The following DAP3 variants were observed in gnomAD, a reference collection of about 807,000 sequenced individuals.
DAP3 encodes small ribosomal subunit protein mS29.
DAP3 carries 28 observed loss-of-function variants against 51.9 expected under a neutral mutation model. That is an observed-to-expected ratio of 0.54 (90% CI 0.40 to 0.74). The LOEUF (loss-of-function observed/expected upper bound fraction) is 0.74. Ranked by LOEUF, DAP3 falls within the 30% of genes least tolerant of loss-of-function variation. The pLI is 0.00. For missense variants in DAP3, 458 were observed against 483.5 expected (o/e 0.95, Z 0.49); for synonymous variants, 170 against 170.3 (o/e 1.00, Z 0.01).
At position 155,737,771 on chromosome 1, in the gene DAP3, CA is replaced by C. The variant is rs61306527; in HGVS notation, c.1112-373del. Among the ~76,000 whole-genome samples, 871 of 137,958 alleles carry C rather than the reference CA, an allele frequency of 6.3e-3. 4 individuals carry two copies. Among genetic ancestry groups the C allele is most frequent in the Middle Eastern group, 0.011 (3 of 266 alleles). 90.5% of individuals were successfully genotyped at this position (137,958 alleles called of 152,430 possible). On this transcript the variant is annotated intron_variant, in intron 12 of 12. Coordinates refer to ENST00000368336, the MANE Select transcript of DAP3 (RefSeq NM_004632.4). ...GAGACCCCATCTCTATTGAAAAAAGCAAAAAAAAAAAAATACTATTTAGAAT... is the reference window on the plus strand; with the variant it reads ...GAGACCCCATCTCTATTGAAAAAAGCAAAAAAAAAAAATACTATTTAGAAT...
chr1:155,724,815 C>A (rs1033000754), intron 4 of DAP3, among the ~76,000 whole-genome samples: 1 of 151,666 alleles, frequency 6.6e-6, no homozygotes, highest in African/African-American at 2.4e-5. Context: ...AATAGCCGGG[C>A]ATGGTGGTGG....
chr1:155,706,123 C>G (rs1239110250), intron 1 of DAP3, among the ~76,000 whole-genome samples: 1 of 152,172 alleles, frequency 6.6e-6, no homozygotes, highest in Non-Finnish European at 1.5e-5. Flanking sequence ...CCTCAGCCTC[C>G]TAAGTAGCTA....
chr1:155,702,634 A>C (rs1655455246), intron 1 of DAP3, among the ~76,000 whole-genome samples: 1 of 152,150 alleles, frequency 6.6e-6, no homozygotes, highest in Non-Finnish European at 1.5e-5. Flanking sequence ...TGTTGAAGAC[A>C]CTATTCTTTC....
At chr1:155,720,907 C>G (rs1053581249) in intron 3 of DAP3, among the ~76,000 whole-genome samples, 1 of 151,908 alleles carries the variant, frequency 6.6e-6, no homozygotes, top group East Asian at 1.9e-4. Flanking sequence ...CGTGGTGGCG[C>G]GTGCCTGTAG....
intron 1 of DAP3, among the ~76,000 whole-genome samples, chr1:155,704,736 T>C (rs1655730918): frequency 6.6e-6 from 1 of 152,006 alleles, no homozygotes; most frequent in African/African-American, 2.4e-5. Flanking sequence ...TCCCAATACT[T>C]TGGGGGGCTG....
At chr1:155,728,966 A>G (rs1658909638) in intron 7 of DAP3, 76 bp from the exon 8 acceptor site, 7 of 1,466,002 alleles carry the variant, frequency 4.8e-6, no homozygotes, top group Middle Eastern at 1.9e-4. Context: ...TTAGCCTCCA[A>G]CCTTTTCAAG....
At chr1:155,721,712 A>G (rs113290900) in intron 4 of DAP3, 94 bp downstream of exon 4, 2 of 1,205,350 alleles carry the variant, frequency 1.7e-6, no homozygotes, top group Non-Finnish European at 2.4e-6. Flanking sequence ...ATTTAAAAAG[A>G]TGAAATTTAA....
intron 1 of DAP3, among the ~76,000 whole-genome samples, chr1:155,693,869 G>A (rs1280939924): frequency 7.1e-6 from 1 of 141,230 alleles, no homozygotes; most frequent in Non-Finnish European, 1.5e-5. Flanking sequence ...GCTGAGGCAG[G>A]AGAATCCCTT....
intron 4 of DAP3, among the ~76,000 whole-genome samples, chr1:155,723,906 G>A (rs1319790260): frequency 2.0e-5 from 3 of 152,050 alleles, no homozygotes; most frequent in Non-Finnish European, 4.4e-5. Context: ...GGGCGTGGTG[G>A]CACACGCCTG....
intron 11 of DAP3, among the ~76,000 whole-genome samples, chr1:155,735,838 ATTT>A (rs35138415): frequency 3.6e-5 from 3 of 82,456 alleles, no homozygotes; most frequent in Non-Finnish European, 7.3e-5. Context: ...CGCCTGGCTA[ATTT>A]TTTTTTTTTT....
chr1:155,688,215 G>T (rs754899308), upstream of DAP3: 1 of 1,613,628 alleles, frequency 6.2e-7, no homozygotes, highest in African/African-American at 1.3e-5. Flanking sequence ...GCGGAAATGC[G>T]AGAGAGGAGA....
chr1:155,737,095 T>G (rs1659882689), intron 12 of DAP3, 32 bp downstream of exon 12: 1 of 1,484,236 alleles, frequency 6.7e-7, no homozygotes. Flanking sequence ...TATCAGGGCT[T>G]TGTGATCACA....
intron 11 of DAP3, among the ~76,000 whole-genome samples, chr1:155,735,362 G>A (rs1659660859): frequency 6.6e-6 from 1 of 152,050 alleles, no homozygotes; most frequent in East Asian, 1.9e-4. Context: ...GATCACCTGA[G>A]GTCAGGAGTT....
chr1:155,701,522 A>C (rs1655273730), intron 1 of DAP3, among the ~76,000 whole-genome samples: 1 of 114,630 alleles, frequency 8.7e-6, no homozygotes, highest in Non-Finnish European at 1.7e-5. Flanking sequence ...ATCTCAAGTA[A>C]TCAGGGACAC....
At chr1:155,711,379 G>T (rs1054807762) in intron 2 of DAP3, among the ~76,000 whole-genome samples, 7 of 152,040 alleles carry the variant, frequency 4.6e-5, no homozygotes, top group African/African-American at 1.4e-4. Flanking sequence ...TGTAATCCCA[G>T]CTACTTGGGA....
At chr1:155,704,912 G>C (rs1167473712) in intron 1 of DAP3, among the ~76,000 whole-genome samples, 1 of 152,042 alleles carries the variant, frequency 6.6e-6, no homozygotes, top group Non-Finnish European at 1.5e-5. Flanking sequence ...TCGGGAAGTG[G>C]ATGTTGCAGT....
chr1:155,705,172 G>C (rs549895781), intron 1 of DAP3, among the ~76,000 whole-genome samples: 67 of 152,026 alleles, frequency 4.4e-4, no homozygotes, highest in Non-Finnish European at 2.1e-4. Context: ...TGTAATTCCA[G>C]CTACTTGGGA....
chr1:155,725,098 CAATT>C (rs1203107978), intron 4 of DAP3, among the ~76,000 whole-genome samples: 1 of 151,974 alleles, frequency 6.6e-6, no homozygotes, highest in Non-Finnish European at 1.5e-5. Flanking sequence ...TGAGATATAT[CAATT>C]ATTTATAGAT....
chr1:155,695,244 T>G (rs1170225078), intron 1 of DAP3, among the ~76,000 whole-genome samples: 4 of 152,244 alleles, frequency 2.6e-5, no homozygotes, highest in Admixed American at 6.5e-5. Context: ...TATGTATCTA[T>G]GGTCACATGG....
Sources: gnomAD v4.1 joint callset for allele counts (sites outside exome capture counted in the v4.1 genomes callset) on GRCh38, gnomAD v4.1.1 for gene constraint, MANE v1.5 for transcripts, NCBI Gene and HGNC (gene_info 2026-07-23, HGNC 2026-07-21) for gene names.